The following THRB variants were observed in gnomAD, a reference collection of about 807,000 sequenced individuals.
The protein encoded by THRB is nuclear receptor subfamily 1 group A member 2.
A neutral mutation model predicts 47.8 loss-of-function variants in THRB; 12 were observed. The ratio of observed to expected loss-of-function variants is 0.25; its 90% CI spans 0.16 to 0.41. The LOEUF (loss-of-function observed/expected upper bound fraction) is 0.41. Among genes scored for constraint, THRB ranks in the 10% least tolerant of loss-of-function variants. The probability of loss-of-function intolerance (pLI) is 1.00; values close to 1 mark genes in which losing one functional copy is unlikely to be tolerated. For synonymous variants in THRB, 218 were observed against 212.2 expected (o/e 1.03, Z -0.24); for missense variants, 348 against 589.2 (o/e 0.59, Z 4.24).
chr3:24,343,786 AT>A (rs2062834887), intron 1 of THRB, among the ~76,000 whole-genome samples: 1 of 151,552 alleles, frequency 6.6e-6, no homozygotes, highest in Admixed American at 6.6e-5. Context: ...GCTGTAAGGC[AT>A]TTTCTAGAGC....
At chr3:24,145,807 C>G (rs1375025804) in intron 7 of THRB, among the ~76,000 whole-genome samples, 2 of 151,782 alleles carry the variant, frequency 1.3e-5, no homozygotes, top group African/African-American at 4.8e-5. Context: ...TTTCTTTTTT[C>G]TTTCTTCATT....
chr3:24,216,030 A>C (rs1181297997), intron 4 of THRB, among the ~76,000 whole-genome samples: 1 of 152,212 alleles, frequency 6.6e-6, no homozygotes, highest in Non-Finnish European at 1.5e-5. Context: ...CATTTATTGC[A>C]GTGGAGAGCA....
intron 3 of THRB, among the ~76,000 whole-genome samples, chr3:24,265,829 G>C (rs771239834): frequency 6.6e-6 from 1 of 152,066 alleles, no homozygotes; most frequent in African/African-American, 2.4e-5. Flanking sequence ...TACTCATAGG[G>C]TACTGTTAGA....
At chr3:24,328,735 C>T (rs1324846696) in intron 2 of THRB, among the ~76,000 whole-genome samples, 1 of 152,208 alleles carries the variant, frequency 6.6e-6, no homozygotes. Flanking sequence ...CTTACTTGGC[C>T]TGGTCCACTG....
At chr3:24,236,144 A>G (rs2048849099) in intron 3 of THRB, among the ~76,000 whole-genome samples, 2 of 152,078 alleles carry the variant, frequency 1.3e-5, no homozygotes, top group Non-Finnish European at 2.9e-5. Flanking sequence ...TATCCCCCTC[A>G]TAGGAGGAGA....
chr3:24,401,859 C>T (rs1051297214), intron 1 of THRB, among the ~76,000 whole-genome samples: 2 of 151,964 alleles, frequency 1.3e-5, no homozygotes, highest in Admixed American at 1.3e-4. Context: ...TTTAAAAAAG[C>T]TCACCCAAAG....
rs1285658465 is a variant in THRB, at chr3:24,283,185, T to G, written c.-43+14041A>C. Reference sequence around the variant, plus strand: ...TGAACATTGATGCAAAAATCCTCAGTAAAATACTGGCAAACCAAATCCAGC... The same window carrying G: ...TGAACATTGATGCAAAAATCCTCAGGAAAATACTGGCAAACCAAATCCAGC... On this transcript the variant is annotated intron_variant, in intron 3 of 10. Coordinates refer to ENST00000646209, the MANE Select transcript of THRB (RefSeq NM_001354712.2). Among the ~76,000 whole-genome samples, 3 of 152,180 alleles carry G rather than the reference T, an allele frequency of 2.0e-5. No individual in the cohort carries two copies. In the East Asian group the frequency reaches 5.8e-4, roughly 29 times the overall value.
At chr3:24,240,256 G>A (rs1241187356) in intron 3 of THRB, among the ~76,000 whole-genome samples, 3 of 152,182 alleles carry the variant, frequency 2.0e-5, no homozygotes, top group African/African-American at 7.2e-5. Flanking sequence ...TTGGTGTGGA[G>A]GATATGAGAA....
At chr3:24,193,617 G>C (rs138760341) in intron 4 of THRB, among the ~76,000 whole-genome samples, 31 of 152,102 alleles carry the variant, frequency 2.0e-4, no homozygotes, top group African/African-American at 5.8e-4. Context: ...GTAGATTGCA[G>C]GTATGGATGT....
intron 1 of THRB, among the ~76,000 whole-genome samples, chr3:24,468,470 G>C (rs1401758786): frequency 6.6e-6 from 1 of 152,154 alleles, no homozygotes; most frequent in East Asian, 1.9e-4. Context: ...TCCAGCTTTT[G>C]ATTTAAAGCT....
intron 5 of THRB, among the ~76,000 whole-genome samples, chr3:24,163,383 C>G (rs1435672626): frequency 1.3e-5 from 2 of 151,930 alleles, no homozygotes; most frequent in Admixed American, 1.3e-4. Flanking sequence ...AATAAAGAAC[C>G]CCTGGTTTAA....
chr3:24,397,630 T>C (rs1261203152), intron 1 of THRB, among the ~76,000 whole-genome samples: 1 of 146,234 alleles, frequency 6.8e-6, no homozygotes, highest in African/African-American at 2.5e-5. Flanking sequence ...AGATAGAGTG[T>C]CACACTGTCG....
intron 2 of THRB, among the ~76,000 whole-genome samples, chr3:24,325,079 CTT>C (rs2058720763): frequency 6.6e-6 from 1 of 152,098 alleles, no homozygotes; most frequent in Non-Finnish European, 1.5e-5. Flanking sequence ...GGCTGTCTGT[CTT>C]TTATAATTTT....
At chr3:24,302,205 T>G (rs1002559006) in intron 2 of THRB, among the ~76,000 whole-genome samples, 3 of 152,248 alleles carry the variant, frequency 2.0e-5, no homozygotes, top group Admixed American at 2.0e-4. Context: ...CCGTTCTAGA[T>G]GTACCCTCCA....
rs563168598 is a variant in THRB at position 24,333,288 on chromosome 3, C to A, written c.-189+4012G>T. 3.0e-4 allele frequency among the ~76,000 whole-genome samples: 45 copies of A among 152,254 alleles called. No individual in the cohort carries two copies. In the South Asian group the frequency reaches 7.1e-3, roughly 24 times the overall value. On this transcript the variant is annotated intron_variant, in intron 2 of 10. Coordinates refer to ENST00000646209, the MANE Select transcript of THRB (RefSeq NM_001354712.2). ...ATTCTCATGAATAACTGGAATCTGACTACACACATGTTACATTAGCCACTT... is the reference window on the plus strand; with the variant it reads ...ATTCTCATGAATAACTGGAATCTGAATACACACATGTTACATTAGCCACTT...
rs370673540 is a variant in THRB at position 24,348,299 on chromosome 3, T to G, written c.-260-10928A>C. ...AGCAAACTAGGTGTATGGCAAATTT[T>G]GAAAATGCCTGAACAGCCCTACAAT... On this transcript the variant is annotated intron_variant, in intron 1 of 10. Coordinates refer to ENST00000646209, the MANE Select transcript of THRB (RefSeq NM_001354712.2). 4.6e-5 allele frequency among the ~76,000 whole-genome samples: 7 copies of G among 152,244 alleles called. No homozygotes were observed. In the South Asian group the frequency reaches 1.0e-3, roughly 23 times the overall value.
chr3:24,486,752 ATAACT>A (rs1161351995), intron 1 of THRB, among the ~76,000 whole-genome samples: 8 of 152,232 alleles, frequency 5.3e-5, no homozygotes, highest in South Asian at 2.1e-4. Context: ...TACATAGGTC[ATAACT>A]TAACTTGTTT....
Position 24,342,836 on chromosome 3 carries a change from G to A in THRB, c.-260-5465C>T, listed in dbSNP as rs1200483832. On this transcript the variant is annotated intron_variant, in intron 1 of 10. Coordinates refer to ENST00000646209, the MANE Select transcript of THRB (RefSeq NM_001354712.2). The stretch of plus-strand genomic sequence containing the variant: ...TGGAAATGAGGGAAAGAATGCCCAG[G>A]CTGCAGCAACTATAGGAGCGAAGTG... Among the ~76,000 whole-genome samples, 4 of 152,178 alleles carry A rather than the reference G, an allele frequency of 2.6e-5. No individual in the cohort carries two copies. In the East Asian group the frequency reaches 7.7e-4, roughly 29 times the overall value.
Position 24,209,278 on chromosome 3 carries a change from G to A in THRB, c.23-18944C>T, listed in dbSNP as rs954469651. On this transcript the variant is annotated intron_variant, in intron 4 of 10. Coordinates refer to ENST00000646209, the MANE Select transcript of THRB (RefSeq NM_001354712.2). ...CAACCATTGTGGAAGACAGTGTGGCGATTCCTCAAGGATCTAGAACTATTT... is the reference window on the plus strand; with the variant it reads ...CAACCATTGTGGAAGACAGTGTGGCAATTCCTCAAGGATCTAGAACTATTT... 3.9e-5 allele frequency among the ~76,000 whole-genome samples: 6 copies of A among 152,206 alleles called. No individual in the cohort carries two copies. The South Asian group carries it at 6.2e-4, about 16-fold the overall frequency.
Sources: gnomAD v4.1 joint callset for allele counts (sites outside exome capture counted in the v4.1 genomes callset) on GRCh38, gnomAD v4.1.1 for gene constraint, MANE v1.5 for transcripts, NCBI Gene and HGNC (gene_info 2026-07-23, HGNC 2026-07-21) for gene names.